The following SLC2A9 variants were observed in gnomAD, a reference collection of about 807,000 sequenced individuals.
SLC2A9 encodes the protein solute carrier family 2, facilitated glucose transporter member 9.
Under a neutral mutation model 50.6 loss-of-function variants are expected in SLC2A9, and 39 were observed. The observed-to-expected ratio is 0.77, with a 90% CI of 0.60 to 1.01. The LOEUF (loss-of-function observed/expected upper bound fraction) is 1.01, where lower values mean the gene tolerates loss of function less well. Ranked by LOEUF, SLC2A9 falls within the 50% of genes least tolerant of loss-of-function variation. The probability of loss-of-function intolerance (pLI) is 0.00; values close to 1 mark genes in which losing one functional copy is unlikely to be tolerated. For missense variants in SLC2A9, 686 were observed against 677.6 expected, an observed-to-expected ratio of 1.01 and a Z score of -0.14; for synonymous variants, 324 against 276.9, an observed-to-expected ratio of 1.17 and a Z score of -1.69.
intron 3 of SLC2A9, among the ~76,000 whole-genome samples, chr4:9,812,993 T>G (rs1447838029): frequency 6.6e-6 from 1 of 152,238 alleles, no homozygotes; most frequent in Non-Finnish European, 1.5e-5. Flanking sequence ...GCTGAGTCCC[T>G]GTCACTCAGT....
At chr4:9,997,309 G>A (rs1013755919) in intron 2 of SLC2A9, among the ~76,000 whole-genome samples, 2 of 152,124 alleles carry the variant, frequency 1.3e-5, no homozygotes, top group African/African-American at 4.8e-5. Context: ...CTAAACCTGG[G>A]AGCTGGACTC....
At chr4:9,794,069 T>C (rs919192076) in intron 3 of SLC2A9, among the ~76,000 whole-genome samples, 1 of 152,192 alleles carries the variant, frequency 6.6e-6, no homozygotes, top group Non-Finnish European at 1.5e-5. Flanking sequence ...ACATCTTGAG[T>C]GTAAAAAATG....
intron 2 of SLC2A9, among the ~76,000 whole-genome samples, chr4:10,000,581 T>C (rs1158909205): frequency 3.3e-5 from 5 of 152,186 alleles, no homozygotes; most frequent in Non-Finnish European, 7.3e-5. Flanking sequence ...GCACTCACAA[T>C]TGCAGGATGG....
intron 3 of SLC2A9, chr4:9,783,689 C>T: frequency 3.6e-6 from 2 of 549,108 alleles, no homozygotes; most frequent in East Asian, 3.1e-5. Flanking sequence ...CAGAGATGGA[C>T]CAACGATCCT....
At chr4:9,857,440 T>G (rs1730908692) in intron 10 of SLC2A9, among the ~76,000 whole-genome samples, 1 of 152,214 alleles carries the variant, frequency 6.6e-6, no homozygotes, top group Non-Finnish European at 1.5e-5. Flanking sequence ...GACCCTGGAA[T>G]GCTGGGGCAG....
At chr4:9,798,148 G>A (rs1439634462), downstream of SLC2A9, among the ~76,000 whole-genome samples, 1 of 152,290 alleles carries the variant, frequency 6.6e-6, no homozygotes, top group East Asian at 1.9e-4. Context: ...TGATCCAAGG[G>A]TTATAGGCAC....
chr4:10,035,250 C>T (rs1233860518), intron 1 of SLC2A9: 2 of 152,216 alleles, frequency 1.3e-5, no homozygotes, highest in Non-Finnish European at 2.9e-5. Context: ...GGTCTTTGTA[C>T]CATTGGGTAC....
chr4:9,934,307 A>G (rs1015281451), intron 6 of SLC2A9, among the ~76,000 whole-genome samples: 1 of 152,242 alleles, frequency 6.6e-6, no homozygotes, highest in Non-Finnish European at 1.5e-5. Context: ...AAGTAGATGA[A>G]GACACTATGT....
chr4:9,809,398 T>C (rs1722553217), intron 3 of SLC2A9, among the ~76,000 whole-genome samples: 1 of 152,154 alleles, frequency 6.6e-6, no homozygotes, highest in Admixed American at 6.5e-5. Flanking sequence ...GGGTTGGGCA[T>C]GGGTAGCCCA....
chr4:9,837,274 A>G (rs944805943), intron 10 of SLC2A9, among the ~76,000 whole-genome samples: 4 of 152,236 alleles, frequency 2.6e-5, no homozygotes, highest in Non-Finnish European at 4.4e-5. Context: ...TCTTAAAGGT[A>G]TCTATTGAAC....
At chr4:9,899,205 G>A (rs548066196) in intron 8 of SLC2A9, among the ~76,000 whole-genome samples, 146 of 152,366 alleles carry the variant, frequency 9.6e-4, no homozygotes, top group Admixed American at 2.9e-3. Flanking sequence ...TGGAATGGAG[G>A]AGTACCTGAG....
intron 3 of SLC2A9, among the ~76,000 whole-genome samples, chr4:9,786,408 G>C (rs1228188296): frequency 6.6e-6 from 1 of 152,208 alleles, no homozygotes; most frequent in African/African-American, 2.4e-5. Context: ...AACATCTTCA[G>C]TCAGCAAATG....
intron 5 of SLC2A9, among the ~76,000 whole-genome samples, chr4:9,957,323 C>T (rs912181383): frequency 6.6e-6 from 1 of 152,178 alleles, no homozygotes; most frequent in Non-Finnish European, 1.5e-5. Flanking sequence ...AGAGAAAAGG[C>T]ATTCACACAC....
intron 2 of SLC2A9, among the ~76,000 whole-genome samples, chr4:10,010,938 G>A (rs549307725): frequency 6.6e-6 from 1 of 152,184 alleles, no homozygotes; most frequent in Admixed American, 6.5e-5. Flanking sequence ...TTCTGCCTAG[G>A]CTGACTGTTC....
intron 8 of SLC2A9, among the ~76,000 whole-genome samples, chr4:9,897,717 T>C (rs574610747): frequency 7.2e-5 from 11 of 152,080 alleles, no homozygotes; most frequent in Non-Finnish European, 1.6e-4. Context: ...TGAAACCCTG[T>C]CTCTACTAAA....
chr4:9,921,906 A>G (rs1744020704), intron 6 of SLC2A9, among the ~76,000 whole-genome samples: 1 of 152,188 alleles, frequency 6.6e-6, no homozygotes, highest in Non-Finnish European at 1.5e-5. Context: ...TAAAATAAGG[A>G]TAACTTCATA....
intron 1 of SLC2A9, among the ~76,000 whole-genome samples, chr4:9,772,681 A>C (rs1216917541): frequency 6.6e-6 from 1 of 152,110 alleles, no homozygotes; most frequent in Non-Finnish European, 1.5e-5. Flanking sequence ...AGCTGCTGAG[A>C]CCCTGGGGCT....
chr4:10,019,236 A>C, intron 1 of SLC2A9, 163 bp from the exon 2 acceptor site: 1 of 646,862 alleles, frequency 1.5e-6, no homozygotes, highest in Admixed American at 2.6e-5. Context: ...GGGGACCTGC[A>C]AGTAGGGTTC....
intron 1 of SLC2A9, among the ~76,000 whole-genome samples, chr4:10,027,791 T>C (rs1391312153): frequency 1.3e-5 from 2 of 152,174 alleles, no homozygotes; most frequent in Non-Finnish European, 2.9e-5. Context: ...ATTTGTATAA[T>C]GAAAATCAGG....
Sources: allele counts gnomAD v4.1 joint callset (sites outside exome capture counted in the v4.1 genomes callset), GRCh38; gene constraint gnomAD v4.1.1; transcripts MANE v1.5; gene names NCBI Gene and HGNC (gene_info 2026-07-23, HGNC 2026-07-21).